PLAT: variants seen among roughly 807,000 people sequenced by gnomAD.
PLAT encodes plasminogen activator, tissue type, also known as tissue-type plasminogen activator.
Under a neutral mutation model 74.9 loss-of-function variants are expected in PLAT, and 48 were observed. The ratio of observed to expected loss-of-function variants is 0.64; its 90% CI spans 0.51 to 0.82. The LOEUF is 0.82. Among genes scored for constraint, PLAT ranks in the 40% least tolerant of loss-of-function variants. PLAT has a pLI of 0.00. For missense variants in PLAT, 673 were observed against 736.2 expected (o/e 0.91, Z 0.99); for synonymous variants, 307 against 294.4 (o/e 1.04, Z -0.44).
intron 1 of PLAT, among the ~76,000 whole-genome samples, chr8:42,199,385 T>C (rs1050757330): frequency 3.9e-5 from 6 of 152,092 alleles, no homozygotes; most frequent in African/African-American, 1.4e-4. Context: ...GGCAGGAGCA[T>C]CACTTGAGGC....
chr8:42,181,859 T>C lies in PLAT; in HGVS notation c.889+78A>G, dbSNP rs1805254389. Reference sequence around the variant, plus strand: ...GCACACAGTCTGCACCAGACAGCCATGAAGGCCTAGAAAGTGGCGAGGAGA... The same window carrying C: ...GCACACAGTCTGCACCAGACAGCCACGAAGGCCTAGAAAGTGGCGAGGAGA... On this transcript the variant is annotated intron_variant, in intron 9 of 13. Transcript: ENST00000220809. 5.9e-6 allele frequency: 4 copies of C among 679,342 alleles called. No individual in the cohort carries two copies. In the Admixed American group the frequency reaches 8.3e-5, roughly 14 times the overall value. 42.1% of individuals were successfully genotyped at this position (679,342 alleles called of 1,614,324 possible). A position where few individuals can be genotyped will look rare whatever the true frequency, so the allele number is the denominator to read the frequency against.
chr8:42,205,630 T>C (rs1405175220), intron 1 of PLAT, among the ~76,000 whole-genome samples: 1 of 152,166 alleles, frequency 6.6e-6, no homozygotes, highest in Non-Finnish European at 1.5e-5. Flanking sequence ...TGACAAAGAC[T>C]CAGAAGAATG....
At chr8:42,179,632 C>G (rs1053787454) in intron 12 of PLAT, among the ~76,000 whole-genome samples, 1 of 152,202 alleles carries the variant, frequency 6.6e-6, no homozygotes, top group African/African-American at 2.4e-5. Flanking sequence ...CTTTGTAACT[C>G]CAGCTTCCCA....
intron 2 of PLAT, 98 bp downstream of exon 2, chr8:42,193,016 G>A: frequency 1.2e-6 from 1 of 816,330 alleles, no homozygotes; most frequent in Non-Finnish European, 2.1e-6. Context: ...CTCCCTGACA[G>A]CATTCCAACC....
chr8:42,191,771 C>T (rs779364649), intron 2 of PLAT, among the ~76,000 whole-genome samples: 1 of 152,034 alleles, frequency 6.6e-6, no homozygotes, highest in Non-Finnish European at 1.5e-5. Flanking sequence ...AGGTAAGTGG[C>T]CACCATATTG....
rs1805304192 is a variant in PLAT, at chr8:42,182,833, G to C, written c.689C>G (p.Thr230Ser). ...CGGGAGGCAGGAGGCACCCGACTCG[G>C]TGAGGCTGTGCGTGCCACGGTAGGC... ...GSAYRGTHSL[T>S]ESGASCLPWN... The change falls in exon 8 of 14, where the codon ACC (threonine) becomes AGC (serine). Residue 230 changes from threonine to serine, a missense_variant. Coordinates refer to ENST00000220809, the MANE Select transcript of PLAT (RefSeq NM_000930.5). The C allele has an allele frequency of 9.3e-6, 15 of 1,613,644 alleles. No individual in the cohort carries two copies. The highest frequency in any genetic ancestry group is 1.3e-5 in the African/African-American group (1 of 74,926).
At position 42,175,105 on chromosome 8, in the gene PLAT, C is replaced by T. The variant is rs925045753; in HGVS notation, c.*888G>A. ...TTTTCCCGGTCTGGAGCACCTAGCC[C>T]ATTGCCTTGTATGTTACAGGTGTTG... is the stretch of plus-strand genomic sequence containing the variant. On this transcript the variant is annotated 3_prime_UTR_variant, in exon 14 of 14. Transcript: ENST00000220809. The T allele has an allele frequency of 7.2e-5, 11 of 152,292 alleles. No homozygotes were observed. The highest frequency in any genetic ancestry group is 2.6e-4 in the African/African-American group (11 of 41,540). The allele number at this position is 152,292 out of a possible 1,614,324, so 9.4% of individuals were successfully genotyped here.
chr8:42,188,745 C>T (rs1805578767), intron 4 of PLAT, among the ~76,000 whole-genome samples, 189 bp downstream of exon 4: 1 of 152,154 alleles, frequency 6.6e-6, no homozygotes, highest in Admixed American at 6.5e-5. Context: ...GATCCTTCTG[C>T]CTCAACCTCC....
intron 9 of PLAT, among the ~76,000 whole-genome samples, chr8:42,181,473 C>T (rs889236361): frequency 7.2e-5 from 11 of 152,170 alleles, no homozygotes; most frequent in South Asian, 2.1e-4. Context: ...CTTTACCTCC[C>T]GGTGCCCAGC....
chr8:42,193,961 G>T (rs574713638), intron 1 of PLAT, among the ~76,000 whole-genome samples: 1 of 150,998 alleles, frequency 6.6e-6, no homozygotes, highest in Non-Finnish European at 1.5e-5. Context: ...TGATCCGCTC[G>T]CCTTGGCCTC....
Position 42,188,012 on chromosome 8 carries a change from G to A in PLAT, c.258C>T (p.Cys86=), listed in dbSNP as rs377125521. 9.4e-6 allele frequency: 15 copies of A among 1,603,824 alleles called. No homozygotes were observed. The African/African-American group carries it at 1.2e-4, about 13-fold the overall frequency. Residue 86 remains cysteine (C), a synonymous_variant, in exon 5 of 14, where the codon TGC becomes TGT. Coordinates refer to ENST00000220809, the MANE Select transcript of PLAT (RefSeq NM_000930.5). ...CCCCGTTGAAACACCTTGGCTCGCT[G>A]CAACCTGTCAAGTATAAAAAAGGAA... ...AQCHSVPVKS[C]SEPRCFNGGT... is the part of the protein sequence containing the mutation.
chr8:42,188,859 C>A, intron 4 of PLAT, 75 bp downstream of exon 4: 1 of 1,349,396 alleles, frequency 7.4e-7, no homozygotes, highest in Non-Finnish European at 1.0e-6. Flanking sequence ...TCCCGGGCTC[C>A]AGCGACCCTC....
At chr8:42,182,666 C>A in intron 8 of PLAT, 53 bp downstream of exon 8, 2 of 1,410,668 alleles carry the variant, frequency 1.4e-6, no homozygotes, top group Non-Finnish European at 1.9e-6. Flanking sequence ...CCGTCTCACA[C>A]CCTAATCCCA....
chr8:42,206,720 G>T (rs1806354052), intron 1 of PLAT: 1 of 152,128 alleles, frequency 6.6e-6, no homozygotes, highest in East Asian at 1.9e-4. Flanking sequence ...AGAAAATAAA[G>T]ATAATAACAG....
In PLAT at chr8:42,202,126, C is replaced by T. The variant is rs1254371815; in HGVS notation, c.-27+5368G>A. Among the ~76,000 whole-genome samples the T allele has an allele frequency of 2.0e-5, 3 of 152,120 alleles. No homozygotes were observed. In the East Asian group the frequency reaches 5.8e-4, roughly 29 times the overall value. On this transcript the variant is annotated intron_variant, in intron 1 of 13. Transcript: ENST00000220809. ...TTTCAACCTCCCTGGCTCAAGTGAT[C>T]CTCTCACCTCAGCTTCTCAAGTAGC...
intron 1 of PLAT, chr8:42,206,586 A>T (rs1806347989): frequency 6.6e-6 from 1 of 152,148 alleles, no homozygotes; most frequent in African/African-American, 2.4e-5. Flanking sequence ...ATTATTCCCA[A>T]TTGGCCACCA....
intron 1 of PLAT, among the ~76,000 whole-genome samples, chr8:42,200,087 T>C (rs1806069072): frequency 6.6e-6 from 1 of 152,238 alleles, no homozygotes; most frequent in Non-Finnish European, 1.5e-5. Context: ...TATTGTTGCC[T>C]GAGAAATGTA....
At chr8:42,200,308 G>A (rs765320839) in intron 1 of PLAT, among the ~76,000 whole-genome samples, 2 of 152,160 alleles carry the variant, frequency 1.3e-5, no homozygotes, top group African/African-American at 4.8e-5. Context: ...GGAGGCTGAG[G>A]AGGGTGGATC....
intron 1 of PLAT, among the ~76,000 whole-genome samples, chr8:42,196,350 T>A (rs1052460553): frequency 2.6e-5 from 4 of 152,216 alleles, no homozygotes; most frequent in Non-Finnish European, 5.9e-5. Context: ...TTCCTGCGCC[T>A]TGAGCTGATT....
Sources: gnomAD v4.1 joint callset for allele counts (sites outside exome capture counted in the v4.1 genomes callset) on GRCh38, gnomAD v4.1.1 for gene constraint, MANE v1.5 for transcripts, NCBI Gene and HGNC (gene_info 2026-07-23, HGNC 2026-07-21) for gene names.